Variants in ANK1 observed in about 807,000 individuals in gnomAD.
The protein encoded by ANK1 is ankyrin-1.
ANK1 carries 51 observed loss-of-function variants against 210.4 expected under a neutral mutation model. The ratio of observed to expected loss-of-function variants is 0.24; its 90% CI spans 0.19 to 0.31. The LOEUF (loss-of-function observed/expected upper bound fraction) is 0.31. Ranked by LOEUF, ANK1 falls within the 10% of genes least tolerant of loss-of-function variation. ANK1 has a pLI of 1.00. For missense variants in ANK1, 2,051 were observed against 2,504.4 expected, an observed-to-expected ratio of 0.82 and a Z score of 3.86; for synonymous variants, 967 against 1,025.9, an observed-to-expected ratio of 0.94 and a Z score of 1.10.
At chr8:41,840,055 T>C (rs1808575069) in intron 1 of ANK1, 1 of 152,192 alleles carries the variant, frequency 6.6e-6, no homozygotes, top group Non-Finnish European at 1.5e-5. Context: ...ATTTTTATTT[T>C]TTAAGGAGAT....
intron 37 of ANK1, among the ~76,000 whole-genome samples, chr8:41,676,945 G>A (rs1220965123): frequency 6.6e-6 from 1 of 152,134 alleles, no homozygotes; most frequent in Admixed American, 6.6e-5. Flanking sequence ...TTAAATGTTT[G>A]GTAGAATTCA....
Position 41,694,003 on chromosome 8 carries a change from G to T in ANK1, c.3427C>A (p.Arg1143Ser), listed in dbSNP as rs764141047. The change falls in exon 29 of 43, where the codon CGC becomes AGC. Residue 1143 changes from arginine to serine, a missense_variant. This residue lies in a region of ANK1 where 1,413 missense variants were observed against 1,707.4 expected (regional missense o/e 0.83). Transcript: ENST00000289734. The surrounding 1 kb of genome is among the most constrained non-coding windows in gnomAD (Gnocchi z 5.7). ...AGTGGGATCCGAAGCCCAATGGGGC[G>T]GTGGAACTTCCGGCGCCGGGGCTCC... The part of the protein sequence containing the change: ...TVEPRRRKFH[R>S]PIGLRIPLPP... 1.2e-6 allele frequency: 2 copies of T among 1,613,962 alleles called. No individual in the cohort carries two copies. Among genetic ancestry groups the T allele is most frequent in the Admixed American group, 1.7e-5 (1 of 60,004 alleles).
In ANK1 at chr8:41,675,151, T is replaced by C. The variant is rs143281462; in HGVS notation, c.4538-2239A>G. Among the ~76,000 whole-genome samples, 110 of 152,342 alleles carry C rather than the reference T, an allele frequency of 7.2e-4. 2 individuals are homozygous for C. The East Asian group carries it at 0.018, about 24-fold the overall frequency. On this transcript the variant is annotated intron_variant, in intron 37 of 42. Coordinates refer to ENST00000289734, the MANE Select transcript of ANK1 (RefSeq NM_000037.4). ...TGTTGCCCAGGCTGGAGTGCAGTAA[T>C]GCAATCTCAGTTCACTGTAACCTCT...
intron 1 of ANK1, among the ~76,000 whole-genome samples, chr8:41,875,021 C>A (rs572500809): frequency 7.2e-5 from 11 of 152,282 alleles, no homozygotes; most frequent in African/African-American, 2.6e-4. Flanking sequence ...CCAGAGAGGA[C>A]GGGCCCAGCA....
At chr8:41,708,569 G>C (rs1039650383) in intron 17 of ANK1, among the ~76,000 whole-genome samples, 2 of 152,132 alleles carry the variant, frequency 1.3e-5, no homozygotes, top group African/African-American at 2.4e-5. Context: ...CATCAGAAAG[G>C]CTCAGAATCC....
At chr8:41,700,512 G>T in intron 22 of ANK1, 2 of 1,540,088 alleles carry the variant, frequency 1.3e-6, no homozygotes, top group South Asian at 1.1e-5. Context: ...CAGTTAAAGC[G>T]AGAGGCATAT....
At chr8:41,864,737 G>A (rs1194312685) in intron 1 of ANK1, among the ~76,000 whole-genome samples, 2 of 152,162 alleles carry the variant, frequency 1.3e-5, no homozygotes, top group East Asian at 1.9e-4. Context: ...CAACCTAACC[G>A]TCGTCACTCA....
At position 41,725,887 on chromosome 8, in the gene ANK1, G is replaced by T. The variant is rs1191006577; in HGVS notation, c.486C>A (p.His162Gln). ...TCCCCTTGGTGCCGTAGTTGATGAG[G>T]TGCGCGACGACGTTCTCATGGCCCT... is the stretch of plus-strand genomic sequence containing the variant. The part of the protein sequence containing the change: ...LQQGHENVVA[H>Q]LINYGTKGKV... Residue 162 changes from histidine to glutamine, a missense_variant, in exon 6 of 43, where the codon CAC (histidine) becomes CAA (glutamine). Physicochemically the swap from His to Gln is conservative, Grantham distance 24. This residue lies in a region of ANK1 where 1,413 missense variants were observed against 1,707.4 expected (regional missense o/e 0.83). Transcript: ENST00000289734. 2 of 1,613,458 alleles carry T rather than the reference G, an allele frequency of 1.2e-6. No individual in the cohort carries two copies. Among genetic ancestry groups the T allele is most frequent in the Admixed American group, 1.7e-5 (1 of 60,000 alleles).
chr8:41,765,368 C>T (rs1315751322), intron 1 of ANK1, among the ~76,000 whole-genome samples: 1 of 151,556 alleles, frequency 6.6e-6, no homozygotes, highest in East Asian at 1.9e-4. Context: ...CACCCCCTTC[C>T]CCCGAATAGC....
chr8:41,723,701 C>T (rs1201463284), intron 7 of ANK1, 68 bp from the exon 8 acceptor site: 2 of 1,424,048 alleles, frequency 1.4e-6, no homozygotes, highest in African/African-American at 1.4e-5. Context: ...TGTGCACCCG[C>T]TCCCCTTGTC....
At position 41,688,083 on chromosome 8, in the gene ANK1, TC is replaced by T; in HGVS notation, c.4258+72del. ...AAAAGGAGGGTTAGAAATGCCTCATTCATTGCTCATTACAGGGGAAGAGGGT... is the reference window on the plus strand; with the variant it reads ...AAAAGGAGGGTTAGAAATGCCTCATTATTGCTCATTACAGGGGAAGAGGGT... On this transcript the variant is annotated intron_variant, in intron 35 of 42. Coordinates refer to ENST00000289734, the MANE Select transcript of ANK1 (RefSeq NM_000037.4). 2.9e-5 allele frequency: 44 copies of T among 1,501,702 alleles called. No individual in the cohort carries two copies. The South Asian group carries it at 4.8e-4, about 17-fold the overall frequency. The allele number at this position is 1,501,702 out of a possible 1,614,324, so 93.0% of individuals were successfully genotyped here.
intron 1 of ANK1, among the ~76,000 whole-genome samples, chr8:41,866,190 GA>G (rs1424404041): frequency 2.7e-5 from 4 of 146,758 alleles, no homozygotes; most frequent in African/African-American, 1.1e-4. Flanking sequence ...TCTTTTTTTG[GA>G]GTGGGTGGTG....
At chr8:41,672,286 C>A in intron 38 of ANK1, 68 bp downstream of exon 38, 1 of 1,558,880 alleles carries the variant, frequency 6.4e-7, no homozygotes, top group African/African-American at 1.4e-5. Flanking sequence ...GTCCTCACTG[C>A]CAGGCATAAT....
intron 31 of ANK1, among the ~76,000 whole-genome samples, chr8:41,690,908 A>AAAC (rs201607805): frequency 0.028 from 4,234 of 152,214 alleles, 148 homozygotes; most frequent in African/African-American, 0.085. Flanking sequence ...TAGCTTCTGA[A>AAAC]AACAACAACA....
At chr8:41,662,578 C>A (rs1808779355) in intron 40 of ANK1, among the ~76,000 whole-genome samples, 1 of 152,208 alleles carries the variant, frequency 6.6e-6, no homozygotes, top group Non-Finnish European at 1.5e-5. Context: ...AGCCTAAGGG[C>A]AGAGGGCATC....
intron 35 of ANK1, 89 bp from the exon 36 acceptor site, chr8:41,686,372 C>T (rs570598842): frequency 1.5e-5 from 23 of 1,563,078 alleles, no homozygotes; most frequent in East Asian, 1.1e-4. Flanking sequence ...GGCACTGGGG[C>T]GTGGGGGGAC....
chr8:41,890,035 T>C (rs1447853378), intron 1 of ANK1, among the ~76,000 whole-genome samples: 1 of 152,182 alleles, frequency 6.6e-6, no homozygotes, highest in African/African-American at 2.4e-5. Flanking sequence ...CCGGCAAACC[T>C]CAAGACTTCA....
intron 1 of ANK1, among the ~76,000 whole-genome samples, chr8:41,810,003 G>A (rs1399243872): frequency 6.6e-6 from 1 of 152,220 alleles, no homozygotes; most frequent in Non-Finnish European, 1.5e-5. Context: ...TGTGGGAAGG[G>A]CGTGTTATAT....
At chr8:41,780,955 G>A (rs539195835) in intron 1 of ANK1, among the ~76,000 whole-genome samples, 1 of 151,920 alleles carries the variant, frequency 6.6e-6, no homozygotes, top group Non-Finnish European at 1.5e-5. Context: ...CTGGGGGTGG[G>A]GAGAGAATAT....
Sources: gnomAD v4.1 joint callset for allele counts (sites outside exome capture counted in the v4.1 genomes callset) on GRCh38, gnomAD v4.1.1 for gene constraint, gnomAD v4.1.1 regional missense constraint, Gnocchi (gnomAD v3.1) non-coding constraint, MANE v1.5 for transcripts, NCBI Gene and HGNC (gene_info 2026-07-23, HGNC 2026-07-21) for gene names.